NAALADL2: variants seen among roughly 807,000 people sequenced by gnomAD.
NAALADL2 encodes N-acetylated alpha-linked acidic dipeptidase like 2.
NAALADL2 carries 76 observed loss-of-function variants against 87.2 expected under a neutral mutation model. That is an observed-to-expected ratio of 0.87 (90% CI 0.72 to 1.05). The LOEUF (loss-of-function observed/expected upper bound fraction) is 1.05, where lower values mean the gene tolerates loss of function less well. Among genes scored for constraint, NAALADL2 ranks in the 50% least tolerant of loss-of-function variants. The pLI is 0.00. For synonymous variants in NAALADL2, 354 were observed against 331.0 expected, an observed-to-expected ratio of 1.07 and a Z score of -0.75; for missense variants, 1,089 against 945.8, an observed-to-expected ratio of 1.15 and a Z score of -1.99.
At chr3:174,515,997 A>T (rs1026152600) in intron 1 of NAALADL2, among the ~76,000 whole-genome samples, 1 of 152,026 alleles carries the variant, frequency 6.6e-6, no homozygotes, top group Non-Finnish European at 1.5e-5. Context: ...TGGCAGGTTG[A>T]CCCAAGTGCT....
intron 9 of NAALADL2, among the ~76,000 whole-genome samples, chr3:175,509,944 GCACC>G (rs1730904894): frequency 6.6e-6 from 1 of 152,008 alleles, no homozygotes; most frequent in South Asian, 2.1e-4. Context: ...CTGGTGTGCT[GCACC>G]CATTAACTTG....
intron 2 of NAALADL2, among the ~76,000 whole-genome samples, chr3:174,725,632 A>G (rs1732108235): frequency 6.6e-6 from 1 of 152,200 alleles, no homozygotes; most frequent in African/African-American, 2.4e-5. Flanking sequence ...TTATTGCAAA[A>G]TTACTTTTGT....
chr3:174,985,939 C>T lies in NAALADL2; in HGVS notation c.44-110851C>T, dbSNP rs140577885. Among the ~76,000 whole-genome samples, 194 of 151,504 alleles carry T rather than the reference C, an allele frequency of 1.3e-3. 1 individual carries two copies. Among genetic ancestry groups the T allele is most frequent in the African/African-American group, 4.3e-3 (176 of 41,238 alleles). ...TGCACTCCAGCCTGGGCAACGAGAG[C>T]GAAACTCCGTCTCAAAAAAAACAAA... On this transcript the variant is annotated intron_variant, in intron 1 of 13. Transcript: ENST00000454872.
At chr3:174,512,892 C>T (rs796333597) in intron 1 of NAALADL2, among the ~76,000 whole-genome samples, 2 of 151,916 alleles carry the variant, frequency 1.3e-5, no homozygotes, top group African/African-American at 2.4e-5. Context: ...TGTTACTTCA[C>T]CTTGATTTAA....
At chr3:175,401,385 TA>T (rs921579937) in intron 5 of NAALADL2, among the ~76,000 whole-genome samples, 9 of 151,996 alleles carry the variant, frequency 5.9e-5, no homozygotes, top group East Asian at 3.9e-4. Flanking sequence ...ATCATCACAA[TA>T]AAAAAAAGTC....
intron 9 of NAALADL2, among the ~76,000 whole-genome samples, chr3:175,516,709 C>CTT (rs2149406875): frequency 6.6e-6 from 1 of 152,234 alleles, no homozygotes; most frequent in East Asian, 1.9e-4. Context: ...ATTGCGATCA[C>CTT]TTTACTCAAT....
chr3:174,517,777 G>T (rs1338965093), intron 1 of NAALADL2, among the ~76,000 whole-genome samples: 3 of 152,046 alleles, frequency 2.0e-5, no homozygotes, highest in Non-Finnish European at 4.4e-5. Context: ...TCATGTCCTT[G>T]TACATGTTTC....
chr3:175,659,599 G>T (rs1434738094), intron 11 of NAALADL2, among the ~76,000 whole-genome samples: 1 of 152,036 alleles, frequency 6.6e-6, no homozygotes, highest in African/African-American at 2.4e-5. Context: ...TCAATATTTT[G>T]CAATTTTAAA....
chr3:174,595,215 A>G (rs1294735036), intron 2 of NAALADL2, among the ~76,000 whole-genome samples: 1 of 151,888 alleles, frequency 6.6e-6, no homozygotes, highest in Non-Finnish European at 1.5e-5. Flanking sequence ...CACACCTCAC[A>G]TCCATCAGTT....
intron 1 of NAALADL2, among the ~76,000 whole-genome samples, chr3:174,986,715 T>C (rs189268610): frequency 1.3e-4 from 20 of 152,280 alleles, no homozygotes; most frequent in Non-Finnish European, 2.4e-4. Context: ...CTCTTAAGTG[T>C]TTCAAGATGG....
intron 2 of NAALADL2, among the ~76,000 whole-genome samples, chr3:175,114,281 A>G (rs1335599300): frequency 2.6e-5 from 4 of 151,618 alleles, no homozygotes; most frequent in African/African-American, 9.7e-5. Flanking sequence ...ATGTGGCAGT[A>G]TTGATTGTTA....
chr3:175,443,103 T>C lies in NAALADL2; in HGVS notation c.1091-4126T>C, dbSNP rs1468282967. The stretch of plus-strand genomic sequence containing the variant: ...TTGTTTTAAAAATAACTTCTGTCTA[T>C]AATTTAATCTTAGTGTCTTGTAAAG... On this transcript the variant is annotated intron_variant, in intron 5 of 13. Transcript: ENST00000454872. Among the ~76,000 whole-genome samples, 4 of 152,334 alleles carry C rather than the reference T, an allele frequency of 2.6e-5. No homozygotes were observed. In the East Asian group the frequency reaches 5.8e-4, roughly 22 times the overall value.
Position 175,300,755 on chromosome 3 carries a change from T to TTA in NAALADL2, c.940-23419_940-23418insAT, listed in dbSNP as rs774634887. 2.7e-4 allele frequency among the ~76,000 whole-genome samples: 40 copies of TTA among 146,378 alleles called. No individual in the cohort carries two copies. In the East Asian group the frequency reaches 5.1e-3, roughly 19 times the overall value. On this transcript the variant is annotated intron_variant, in intron 4 of 13. Coordinates refer to ENST00000454872, the MANE Select transcript of NAALADL2 (RefSeq NM_207015.3). ...CCATCTCCTGGATTTATTTATTTATTTTTATTTATTTATTTATTTATTTAT... is the reference window on the plus strand; with the variant it reads ...CCATCTCCTGGATTTATTTATTTATTTATTTATTTATTTATTTATTTATTTAT...
chr3:175,054,224 A>G (rs898574432), intron 1 of NAALADL2, among the ~76,000 whole-genome samples: 1 of 152,230 alleles, frequency 6.6e-6, no homozygotes, highest in African/African-American at 2.4e-5. Context: ...CCAGAATAAG[A>G]AGCTTTACTG....
intron 1 of NAALADL2, among the ~76,000 whole-genome samples, chr3:175,036,422 CAG>C (rs1753415539): frequency 6.7e-6 from 1 of 149,782 alleles, no homozygotes; most frequent in African/African-American, 2.5e-5. Context: ...TTTTTTGAGA[CAG>C]AGTCTCGCTC....
intron 11 of NAALADL2, among the ~76,000 whole-genome samples, chr3:175,724,853 A>G (rs1742718114): frequency 6.6e-6 from 1 of 152,028 alleles, no homozygotes; most frequent in Non-Finnish European, 1.5e-5. Context: ...ATCCAAATCT[A>G]TAATAAAACA....
rs565159370 is a variant in NAALADL2, at chr3:175,114,583, G to A, written c.545+17292G>A. Among the ~76,000 whole-genome samples, 5 of 151,660 alleles carry A rather than the reference G, an allele frequency of 3.3e-5. No homozygotes were observed. In the East Asian group the frequency reaches 9.7e-4, roughly 29 times the overall value. ...CACTGCAAAACTAGCTATTCCTTAT[G>A]ATACTCTGACGAGGCATTACTAATC... is the stretch of plus-strand genomic sequence containing the variant. On this transcript the variant is annotated intron_variant, in intron 2 of 13. Transcript: ENST00000454872.
chr3:174,869,083 A>G (rs1170582063), intron 1 of NAALADL2, among the ~76,000 whole-genome samples: 2 of 152,152 alleles, frequency 1.3e-5, no homozygotes, highest in African/African-American at 4.8e-5. Context: ...TCTATTTAAA[A>G]TGAGTGAGAA....
intron 1 of NAALADL2, among the ~76,000 whole-genome samples, chr3:175,008,652 G>A (rs1337652774): frequency 6.6e-6 from 1 of 152,052 alleles, no homozygotes. Context: ...TGCAGTGGTG[G>A]TGGCTTTGTG....
Sources: gnomAD v4.1 joint callset for allele counts (sites outside exome capture counted in the v4.1 genomes callset) on GRCh38, gnomAD v4.1.1 for gene constraint, MANE v1.5 for transcripts, NCBI Gene and HGNC (gene_info 2026-07-23, HGNC 2026-07-21) for gene names.